The following ASTN2 variants were observed in gnomAD, a reference collection of about 807,000 sequenced individuals.
The protein encoded by ASTN2 is astrotactin 2.
ASTN2 carries 54 observed loss-of-function variants against 139.8 expected under a neutral mutation model. The ratio of observed to expected loss-of-function variants is 0.39; its 90% confidence interval spans 0.31 to 0.48. ASTN2 has a LOEUF of 0.48. Ranked by LOEUF, ASTN2 falls within the 20% of genes least tolerant of loss-of-function variation. The pLI is 0.95. For missense variants in ASTN2, 1,565 were observed against 1,725.1 expected (o/e 0.91, Z 1.64); for synonymous variants, 756 against 719.5 (o/e 1.05, Z -0.81).
chr9:116,503,640 T>C (rs1849982990), intron 19 of ASTN2, among the ~76,000 whole-genome samples: 2 of 152,134 alleles, frequency 1.3e-5, no homozygotes, highest in Non-Finnish European at 2.9e-5. Context: ...CAGCTTTACA[T>C]AATATATACA....
chr9:116,945,632 C>G (rs965321684), intron 10 of ASTN2, among the ~76,000 whole-genome samples: 1 of 151,988 alleles, frequency 6.6e-6, no homozygotes, highest in Non-Finnish European at 1.5e-5. Context: ...TGCCCTCCCT[C>G]CCTTCCTTCC....
intron 19 of ASTN2, among the ~76,000 whole-genome samples, chr9:116,591,756 T>A (rs911403299): frequency 9.2e-5 from 14 of 152,178 alleles, no homozygotes; most frequent in Admixed American, 3.3e-4. Context: ...TATAACTGAA[T>A]GGGAGCACAA....
intron 19 of ASTN2, chr9:116,585,799 A>G (rs1854121890): frequency 6.6e-6 from 1 of 152,230 alleles, no homozygotes; most frequent in Admixed American, 6.5e-5. Context: ...AGCTGCAACA[A>G]AAACAAAAAT....
At chr9:117,144,080 G>T (rs1255807867) in intron 3 of ASTN2, among the ~76,000 whole-genome samples, 1 of 152,118 alleles carries the variant, frequency 6.6e-6, no homozygotes, top group African/African-American at 2.4e-5. Context: ...AATCTGATAG[G>T]ATAGGTGGCC....
chr9:117,065,464 A>G (rs1282390607), intron 5 of ASTN2, among the ~76,000 whole-genome samples: 2 of 152,138 alleles, frequency 1.3e-5, no homozygotes, highest in Non-Finnish European at 2.9e-5. Context: ...GGATTTGCAC[A>G]AACCTCTTTG....
Position 116,868,219 on chromosome 9 carries a change from T to C in ASTN2, c.1890-4486A>G, listed in dbSNP as rs116619700. Reference sequence around the variant, plus strand: ...ATGGTGCAAGGTTCCCTTCCTGTAATATTCCCTGTGATTTTCACAAGAGCC... The same window carrying C: ...ATGGTGCAAGGTTCCCTTCCTGTAACATTCCCTGTGATTTTCACAAGAGCC... On this transcript the variant is annotated intron_variant, in intron 10 of 22. Coordinates refer to ENST00000313400, the MANE Select transcript of ASTN2 (RefSeq NM_001365068.1). Among the ~76,000 whole-genome samples, 769 of 152,302 alleles carry C rather than the reference T, an allele frequency of 5.0e-3. 7 individuals are homozygous for C. Among genetic ancestry groups the C allele is most frequent in the African/African-American group, 0.018 (738 of 41,566 alleles).
At chr9:116,933,254 T>G (rs928322022) in intron 10 of ASTN2, among the ~76,000 whole-genome samples, 2 of 152,250 alleles carry the variant, frequency 1.3e-5, no homozygotes, top group South Asian at 2.1e-4. Context: ...CGAGCACCCC[T>G]CCTGGATTCT....
intron 11 of ASTN2, among the ~76,000 whole-genome samples, chr9:116,822,403 G>A (rs999298928): frequency 6.6e-6 from 1 of 152,130 alleles, no homozygotes; most frequent in African/African-American, 2.4e-5. Flanking sequence ...CCATGTGAGT[G>A]AAGTGCTGTA....
At chr9:117,085,153 T>C (rs1271231320) in intron 5 of ASTN2, among the ~76,000 whole-genome samples, 2 of 152,146 alleles carry the variant, frequency 1.3e-5, no homozygotes, top group Non-Finnish European at 2.9e-5. Flanking sequence ...GTAGTTTGCT[T>C]TGTGCCTGCC....
At chr9:116,718,046 G>T (rs905591478) in intron 16 of ASTN2, among the ~76,000 whole-genome samples, 2 of 152,248 alleles carry the variant, frequency 1.3e-5, no homozygotes, top group Non-Finnish European at 2.9e-5. Context: ...AAGAGAGAAA[G>T]ATGTAAACTA....
intron 3 of ASTN2, among the ~76,000 whole-genome samples, chr9:117,143,761 T>A (rs992102969): frequency 4.0e-5 from 6 of 150,898 alleles, no homozygotes; most frequent in African/African-American, 1.5e-4. Flanking sequence ...CACCTTCTCC[T>A]CCCTGTGTCC....
At chr9:117,070,079 T>C (rs1031882083) in intron 5 of ASTN2, among the ~76,000 whole-genome samples, 2 of 148,780 alleles carry the variant, frequency 1.3e-5, no homozygotes, top group Non-Finnish European at 3.0e-5. Flanking sequence ...TTTTGCTCGT[T>C]AGTTGATGCA....
chr9:116,437,589 A>G, intron 22 of ASTN2: 1 of 470,902 alleles, frequency 2.1e-6, no homozygotes, highest in South Asian at 1.5e-5. Context: ...GGATTCCAGG[A>G]GGCTGTAAAG....
At chr9:117,099,819 C>A (rs1485111336) in intron 4 of ASTN2, among the ~76,000 whole-genome samples, 1 of 151,876 alleles carries the variant, frequency 6.6e-6, no homozygotes, top group African/African-American at 2.4e-5. Context: ...TGTTTAATAT[C>A]CACAGCCATC....
chr9:116,595,200 A>C, intron 19 of ASTN2, among the ~76,000 whole-genome samples: 1 of 152,240 alleles, frequency 6.6e-6, no homozygotes, highest in Non-Finnish European at 1.5e-5. Context: ...CTTGGCATCT[A>C]GGTGTTCAAT....
chr9:117,061,129 T>C (rs1473116815), intron 5 of ASTN2, among the ~76,000 whole-genome samples: 1 of 150,018 alleles, frequency 6.7e-6, no homozygotes, highest in Non-Finnish European at 1.5e-5. Flanking sequence ...TTACAAACTA[T>C]ACACCAGTCT....
chr9:116,823,487 G>A (rs1831542761), intron 11 of ASTN2, among the ~76,000 whole-genome samples: 1 of 152,126 alleles, frequency 6.6e-6, no homozygotes, highest in South Asian at 2.1e-4. Context: ...GAATAAGGCA[G>A]GGCTTAGAGC....
intron 19 of ASTN2, among the ~76,000 whole-genome samples, chr9:116,491,408 C>T (rs567701872): frequency 4.6e-5 from 7 of 152,208 alleles, no homozygotes; most frequent in African/African-American, 1.7e-4. Flanking sequence ...TACTATGCTG[C>T]CTCCTAGAGA....
intron 19 of ASTN2, among the ~76,000 whole-genome samples, chr9:116,536,433 T>G (rs1564352049): frequency 6.6e-6 from 1 of 152,212 alleles, no homozygotes; most frequent in Admixed American, 6.5e-5. Flanking sequence ...AGAGGTGCTC[T>G]GATTTTTAGA....
Sources: allele counts gnomAD v4.1 joint callset (sites outside exome capture counted in the v4.1 genomes callset), GRCh38; gene constraint gnomAD v4.1.1; transcripts MANE v1.5; gene names NCBI Gene and HGNC (gene_info 2026-07-23, HGNC 2026-07-21).